DTX4: variants seen among roughly 807,000 people sequenced by gnomAD.
DTX4 encodes the protein E3 ubiquitin-protein ligase DTX4.
In DTX4, 28 loss-of-function variants were observed where a neutral mutation model predicts 57.6. The observed-to-expected ratio is 0.49, with a 90% confidence interval of 0.36 to 0.67. The LOEUF is 0.67. Among genes scored for constraint, DTX4 ranks in the 30% least tolerant of loss-of-function variants. The probability of loss-of-function intolerance (pLI) is 0.00; values close to 1 mark genes in which losing one functional copy is unlikely to be tolerated. For synonymous variants in DTX4, 316 were observed against 331.0 expected (o/e 0.95, Z 0.49); for missense variants, 715 against 836.8 (o/e 0.85, Z 1.80).
chr11:59,204,941 T>C lies in DTX4; in HGVS notation c.*32T>C, dbSNP rs1465477544. 3 of 1,536,930 alleles carry C rather than the reference T, an allele frequency of 2.0e-6. No individual in the cohort carries two copies. The highest frequency in any genetic ancestry group is 2.6e-6 in the Non-Finnish European group (3 of 1,132,520). ...AAAAGCTTTGAGGTGGGAGGGGCCATGGAGACTGCAGGACAGGAAGTGAGG... is the reference window on the plus strand; with the variant it reads ...AAAAGCTTTGAGGTGGGAGGGGCCACGGAGACTGCAGGACAGGAAGTGAGG... On this transcript the variant is annotated 3_prime_UTR_variant, in exon 9 of 9. Coordinates refer to ENST00000227451, the MANE Select transcript of DTX4 (RefSeq NM_015177.2).
At position 59,172,183 on chromosome 11, in the gene DTX4, G is replaced by C. The variant is rs1406363048; in HGVS notation, c.-413G>C. Among the ~76,000 whole-genome samples the C allele has an allele frequency of 6.6e-6, 1 of 152,092 alleles. No individual in the cohort carries two copies. The highest frequency in any genetic ancestry group is 2.4e-5 in the African/African-American group (1 of 41,454). ...TCCCACCCCGGCGTCTGCAGAGGCC[G>C]AGGCGCAACTGGTGCGAGGGCTGGG... On this transcript the variant is annotated 5_prime_UTR_variant, in exon 1 of 9. Transcript: ENST00000227451.
Position 59,181,792 on chromosome 11 carries a change from A to T in DTX4, c.265A>T (p.Lys89Ter). 1 of 1,613,736 alleles carries T rather than the reference A, an allele frequency of 6.2e-7. No individual in the cohort carries two copies. Residue 89 changes from lysine (K) to a stop codon, truncating the protein, a stop_gained, in exon 2 of 9, where the codon AAG becomes TAG. Coordinates refer to ENST00000227451, the MANE Select transcript of DTX4 (RefSeq NM_015177.2). LOFTEE classifies it high-confidence loss of function. Reference protein sequence around the residue: ...NYYDPSSAPGKGVVWEWENDN... With the variant: ...NYYDPSSAPG ...CTACGACCCCTCCTCGGCCCCTGGGAAGGGCGTGGTGTGGGAGTGGGAGAA... is the reference window on the plus strand; with the variant it reads ...CTACGACCCCTCCTCGGCCCCTGGGTAGGGCGTGGTGTGGGAGTGGGAGAA...
At chr11:59,175,901 T>C (rs889536770) in intron 1 of DTX4, among the ~76,000 whole-genome samples, 1 of 152,108 alleles carries the variant, frequency 6.6e-6, no homozygotes, top group African/African-American at 2.4e-5. Context: ...CTCATTTTTT[T>C]TTTTTTTTTT....
chr11:59,171,827 T>C (rs2135507439), upstream of DTX4, among the ~76,000 whole-genome samples: 1 of 149,744 alleles, frequency 6.7e-6, no homozygotes, highest in South Asian at 2.1e-4. Flanking sequence ...CATGCTGCAT[T>C]AAGGAAAAAA....
chr11:59,200,371 G>A (rs563922436), intron 8 of DTX4, among the ~76,000 whole-genome samples: 3 of 152,144 alleles, frequency 2.0e-5, no homozygotes, highest in South Asian at 2.1e-4. Flanking sequence ...TTCCTCTCTC[G>A]GGTATTAGTG....
intron 1 of DTX4, among the ~76,000 whole-genome samples, chr11:59,178,387 G>A (rs1022910328): frequency 4.6e-5 from 7 of 152,184 alleles, no homozygotes; most frequent in African/African-American, 1.7e-4. Flanking sequence ...CTTGTGATAC[G>A]TTCTGCCTCA....
chr11:59,177,437 A>G (rs1862409516), intron 1 of DTX4, among the ~76,000 whole-genome samples: 1 of 152,094 alleles, frequency 6.6e-6, no homozygotes, highest in South Asian at 2.1e-4. Flanking sequence ...TTCATTTTCT[A>G]TGCCAACACC....
At chr11:59,174,514 G>A (rs1238502885) in intron 1 of DTX4, among the ~76,000 whole-genome samples, 15 of 83,778 alleles carry the variant, frequency 1.8e-4, no homozygotes, top group African/African-American at 4.1e-4. Flanking sequence ...AAAAAAAAAA[G>A]CAGGTGTTAC....
chr11:59,182,388 G>A lies in DTX4; in HGVS notation c.861G>A (p.Val287=). 1 of 1,613,668 alleles carries A rather than the reference G, an allele frequency of 6.2e-7. No individual in the cohort carries two copies. The highest frequency in any genetic ancestry group is 8.5e-7 in the Non-Finnish European group (1 of 1,179,806). The change falls in exon 2 of 9, where the codon GTG becomes GTA. Residue 287 remains valine (V), a synonymous_variant. Coordinates refer to ENST00000227451, the MANE Select transcript of DTX4 (RefSeq NM_015177.2). ...PPGPNSKTGR[V]ALATLNRTNL... is the part of the protein sequence containing the mutation. ...GACCCAACAGCAAGACCGGAAGGGT[G>A]GCCCTGGCCACCTTGAATCGTACCA...
intron 7 of DTX4, among the ~76,000 whole-genome samples, chr11:59,198,802 G>T (rs1862705553): frequency 6.6e-6 from 1 of 152,144 alleles, no homozygotes; most frequent in Non-Finnish European, 1.5e-5. Flanking sequence ...AGGGGGTCAG[G>T]GATCCTCAGA....
Position 59,189,166 on chromosome 11 carries a change from C to T in DTX4, c.1002C>T (p.Ile334=). 2 of 1,613,296 alleles carry T rather than the reference C, an allele frequency of 1.2e-6. No individual in the cohort carries two copies. Among genetic ancestry groups the T allele is most frequent in the African/African-American group, 1.3e-5 (1 of 75,040 alleles). Reference sequence around the variant, plus strand: ...CCCATGCCCTGCCCCTTCCAGGAATCACTGGGATCCTCATGAGTGCAGCGG... The same window carrying T: ...CCCATGCCCTGCCCCTTCCAGGAATTACTGGGATCCTCATGAGTGCAGCGG... ...SSPVNPALAG[I]TGILMSAAGL... Residue 334 remains isoleucine (I), a synonymous_variant, in exon 4 of 9, where the codon ATC becomes ATT. Transcript: ENST00000227451.
At chr11:59,192,496 G>A (rs1862612362) in intron 6 of DTX4, among the ~76,000 whole-genome samples, 1 of 152,126 alleles carries the variant, frequency 6.6e-6, no homozygotes, top group South Asian at 2.1e-4. Flanking sequence ...TCGGTGTCAG[G>A]TCTAAGAGTG....
chr11:59,188,843 G>T (rs1375946957), intron 3 of DTX4, 47 bp downstream of exon 3: 2 of 1,515,364 alleles, frequency 1.3e-6, no homozygotes, highest in Non-Finnish European at 9.1e-7. Context: ...AGAAATCAGA[G>T]TGATGAAATA....
At chr11:59,182,696 A>T (rs1862482437) in intron 2 of DTX4, among the ~76,000 whole-genome samples, 1 of 152,146 alleles carries the variant, frequency 6.6e-6, no homozygotes, top group African/African-American at 2.4e-5. Context: ...TAGCCATATG[A>T]TTTAGGACCA....
rs1862343551 is a variant in DTX4, at chr11:59,172,736, C to T, written c.141C>T (p.Gly47=). Residue 47 remains glycine (G), a synonymous_variant, in exon 1 of 9, where the codon GGC becomes GGT. Coordinates refer to ENST00000227451, the MANE Select transcript of DTX4 (RefSeq NM_015177.2). ...GCGCGGGGGGCAGCGTGGTGCTGGG[C>T]CAGGTGGACAGCCGTCTCGCGCCCT... is the stretch of plus-strand genomic sequence containing the variant. ...GPRAGGSVVL[G]QVDSRLAPYI... 1.2e-6 allele frequency: 2 copies of T among 1,605,284 alleles called. No homozygotes were observed. Among genetic ancestry groups the T allele is most frequent in the Non-Finnish European group, 1.7e-6 (2 of 1,177,444 alleles).
chr11:59,182,004 C>T lies in DTX4; in HGVS notation c.477C>T (p.Leu159=). ...GCCGCGTCCGCCGGCGCCTCGACCT[C>T]ATCTACCCCATGGTCACAGGGACCT... is the stretch of plus-strand genomic sequence containing the variant. ...RQRRVRRRLD[L]IYPMVTGTLP... is the part of the protein sequence containing the mutation. The change falls in exon 2 of 9, where the codon CTC becomes CTT. Residue 159 remains leucine, a synonymous_variant. Coordinates refer to ENST00000227451, the MANE Select transcript of DTX4 (RefSeq NM_015177.2). The T allele has an allele frequency of 1.9e-6, 3 of 1,613,872 alleles. No individual in the cohort carries two copies. The highest frequency in any genetic ancestry group is 2.5e-6 in the Non-Finnish European group (3 of 1,179,842).
intron 1 of DTX4, among the ~76,000 whole-genome samples, chr11:59,173,555 C>CCTTT (rs1862356534): frequency 6.6e-6 from 1 of 152,154 alleles, no homozygotes; most frequent in South Asian, 2.1e-4. Context: ...GAAGCCGCTC[C>CCTTT]CTTTGTCTGC....
intron 1 of DTX4, 72 bp from the exon 2 acceptor site, chr11:59,181,667 G>T: frequency 6.5e-7 from 1 of 1,527,836 alleles, no homozygotes; most frequent in South Asian, 1.3e-5. Flanking sequence ...GCAATGGCAT[G>T]ACTTGTTAAT....
intron 7 of DTX4, among the ~76,000 whole-genome samples, chr11:59,197,614 T>G (rs1037844373): frequency 1.3e-5 from 2 of 151,492 alleles, no homozygotes; most frequent in African/African-American, 4.9e-5. Flanking sequence ...GGCAAAAGAG[T>G]CGGGGATGGC....
Sources: allele counts gnomAD v4.1 joint callset (sites outside exome capture counted in the v4.1 genomes callset), GRCh38; gene constraint gnomAD v4.1.1; transcripts MANE v1.5; gene names NCBI Gene and HGNC (gene_info 2026-07-23, HGNC 2026-07-21).